The following ETV6 variants were observed in gnomAD, a reference collection of about 807,000 sequenced individuals.
ETV6 encodes the protein transcription factor ETV6.
A neutral mutation model predicts 51.1 loss-of-function variants in ETV6; 16 were observed. That is an observed-to-expected ratio of 0.31 (90% CI 0.21 to 0.48). The LOEUF (loss-of-function observed/expected upper bound fraction) is 0.48. Ranked by LOEUF, ETV6 falls within the 20% of genes least tolerant of loss-of-function variation. The pLI, the probability that ETV6 is intolerant of heterozygous loss-of-function variation, is 0.99. For synonymous variants in ETV6, 240 were observed against 224.1 expected (o/e 1.07, Z -0.64); for missense variants, 458 against 594.8 (o/e 0.77, Z 2.39).
At chr12:11,725,033 C>T (rs1486401096) in intron 1 of ETV6, among the ~76,000 whole-genome samples, 4 of 152,120 alleles carry the variant, frequency 2.6e-5, no homozygotes, top group African/African-American at 4.8e-5. Context: ...CGTGAACTTA[C>T]GGCCACCCCA....
chr12:11,861,382 G>T (rs901906990), intron 4 of ETV6, among the ~76,000 whole-genome samples: 3 of 152,148 alleles, frequency 2.0e-5, no homozygotes, highest in Admixed American at 2.0e-4. Context: ...GCCTAGGGCA[G>T]CATGACCTTT....
At chr12:11,670,263 A>G (rs1293816856) in intron 1 of ETV6, among the ~76,000 whole-genome samples, 3 of 152,228 alleles carry the variant, frequency 2.0e-5, no homozygotes, top group African/African-American at 4.8e-5. Flanking sequence ...AATAATTTCA[A>G]ATTTCTAATA....
chr12:11,776,971 G>A (rs1470412782), intron 2 of ETV6, among the ~76,000 whole-genome samples: 1 of 152,170 alleles, frequency 6.6e-6, no homozygotes, highest in African/African-American at 2.4e-5. Context: ...GGGCGCAGTG[G>A]CTCACGCCTG....
intron 3 of ETV6, among the ~76,000 whole-genome samples, chr12:11,846,794 G>A (rs1033892913): frequency 1.1e-4 from 16 of 152,240 alleles, no homozygotes; most frequent in Admixed American, 6.5e-5. Context: ...GCAGGGCTCT[G>A]CAGGTCATGT....
intron 2 of ETV6, among the ~76,000 whole-genome samples, chr12:11,804,449 T>C (rs1945798413): frequency 6.6e-6 from 1 of 152,192 alleles, no homozygotes; most frequent in Admixed American, 6.5e-5. Context: ...GTTCTGCTAG[T>C]TCCTCTTCAG....
chr12:11,792,502 C>A (rs1245120510), intron 2 of ETV6, among the ~76,000 whole-genome samples: 1 of 151,932 alleles, frequency 6.6e-6, no homozygotes, highest in Non-Finnish European at 1.5e-5. Context: ...GTCTGGCCAA[C>A]ATGGTGAAAC....
intron 1 of ETV6, among the ~76,000 whole-genome samples, chr12:11,664,989 T>C (rs1194899149): frequency 6.6e-6 from 1 of 152,184 alleles, no homozygotes; most frequent in Non-Finnish European, 1.5e-5. Context: ...CTTTCTAGTA[T>C]CATCTCCACA....
intron 2 of ETV6, among the ~76,000 whole-genome samples, chr12:11,790,977 G>A (rs539681894): frequency 2.5e-4 from 38 of 152,206 alleles, no homozygotes; most frequent in African/African-American, 6.5e-4. Flanking sequence ...CATTGCGCCC[G>A]GCCAGAGCTT....
At chr12:11,807,663 C>G (rs1945848864) in intron 2 of ETV6, among the ~76,000 whole-genome samples, 1 of 152,192 alleles carries the variant, frequency 6.6e-6, no homozygotes, top group South Asian at 2.1e-4. Context: ...TACTGGCAGG[C>G]AGCAACATGT....
At chr12:11,839,363 G>T (rs910529897) in intron 3 of ETV6, 59 bp downstream of exon 3, 14 of 1,531,056 alleles carry the variant, frequency 9.1e-6, no homozygotes, top group Non-Finnish European at 1.8e-6. Flanking sequence ...TTAGTGGTTG[G>T]TCTTTAACAC....
chr12:11,832,554 C>G (rs1255052637), intron 2 of ETV6, among the ~76,000 whole-genome samples: 1 of 152,184 alleles, frequency 6.6e-6, no homozygotes, highest in East Asian at 1.9e-4. Context: ...CGAAATAAAA[C>G]AGCTAACCTG....
intron 1 of ETV6, among the ~76,000 whole-genome samples, chr12:11,687,743 C>T (rs565511684): frequency 7.9e-5 from 12 of 152,236 alleles, no homozygotes; most frequent in African/African-American, 1.4e-4. Flanking sequence ...TTAGCTTTAA[C>T]GGACTTGTAG....
At chr12:11,749,351 C>CA (rs1865977361) in intron 1 of ETV6, among the ~76,000 whole-genome samples, 1 of 120,640 alleles carries the variant, frequency 8.3e-6, no homozygotes, top group African/African-American at 3.3e-5. Flanking sequence ...ACACACACAC[C>CA]CCTACTCCCC....
chr12:11,768,062 T>C (rs1360770258), intron 2 of ETV6, among the ~76,000 whole-genome samples: 1 of 152,120 alleles, frequency 6.6e-6, no homozygotes, highest in Non-Finnish European at 1.5e-5. Context: ...CCCGTTATGG[T>C]TCTCCTTGTC....
chr12:11,881,834 A>C (rs1177832290), intron 5 of ETV6, among the ~76,000 whole-genome samples: 1 of 152,242 alleles, frequency 6.6e-6, no homozygotes, highest in African/African-American at 2.4e-5. Flanking sequence ...AACTAGAATC[A>C]TCCTCCTTCA....
chr12:11,749,285 C>CCCCA (rs1865967565), intron 1 of ETV6, among the ~76,000 whole-genome samples: 7 of 75,354 alleles, frequency 9.3e-5, no homozygotes, highest in African/African-American at 4.0e-4. Context: ...GTTATCCCCC[C>CCCCA]CATACACACA....
Position 11,869,731 on chromosome 12 carries a change from C to T in ETV6, c.771C>T (p.Ser257=). 2 of 1,613,782 alleles carry T rather than the reference C, an allele frequency of 1.2e-6. No individual in the cohort carries two copies. The highest frequency in any genetic ancestry group is 1.3e-5 in the African/African-American group (1 of 75,038). Reference sequence around the variant, plus strand: ...CCGAGTCCCACCCGAAGCCATCCAGCCCCCGGCAGGAGAGCACACGCGTGA... The same window carrying T: ...CCGAGTCCCACCCGAAGCCATCCAGTCCCCGGCAGGAGAGCACACGCGTGA... The part of the protein sequence containing the change: ...ASSESHPKPS[S]PRQESTRVIQ... Residue 257 remains serine, a synonymous_variant, in exon 5 of 8, where the codon AGC becomes AGT. Transcript: ENST00000396373. The surrounding 1 kb of genome is among the most constrained non-coding windows in gnomAD (Gnocchi z 5.0).
At chr12:11,777,824 AT>A (rs1385158144) in intron 2 of ETV6, among the ~76,000 whole-genome samples, 1 of 149,142 alleles carries the variant, frequency 6.7e-6, no homozygotes, top group Admixed American at 6.7e-5. Context: ...AGTTTAAGCC[AT>A]TTATTCATGC....
At chr12:11,756,926 A>C (rs1312272002) in intron 2 of ETV6, among the ~76,000 whole-genome samples, 1 of 152,218 alleles carries the variant, frequency 6.6e-6, no homozygotes, top group Non-Finnish European at 1.5e-5. Context: ...TTTAAACATG[A>C]TCATTTCACA....
Sources: allele counts gnomAD v4.1 joint callset (sites outside exome capture counted in the v4.1 genomes callset), GRCh38; gene constraint gnomAD v4.1.1; non-coding constraint Gnocchi (gnomAD v3.1); transcripts MANE v1.5; gene names NCBI Gene and HGNC (gene_info 2026-07-23, HGNC 2026-07-21).